MUC5B: variants seen among roughly 807,000 people sequenced by gnomAD.
The protein encoded by MUC5B is mucin 5B, oligomeric mucus/gel-forming, also known as mucin-5B.
A neutral mutation model predicts 376.9 loss-of-function variants in MUC5B; 116 were observed. That is an observed-to-expected ratio of 0.31 (90% CI 0.26 to 0.36). The LOEUF is 0.36. Ranked by LOEUF, MUC5B falls within the 10% of genes least tolerant of loss-of-function variation. The pLI is 1.00. For synonymous variants in MUC5B, 3,517 were observed against 3,390.9 expected (o/e 1.04, Z -1.29); for missense variants, 7,165 against 7,769.9 (o/e 0.92, Z 2.93).
At chr11:1,233,732 C>CG in intron 18 of MUC5B, 61 bp from the exon 19 acceptor site, 1 of 1,531,254 alleles carries the variant, frequency 6.5e-7, no homozygotes, top group Non-Finnish European at 8.9e-7. Flanking sequence ...CTCGGAAGCC[C>CG]GGGGGTGGGG....
At chr11:1,227,980 C>T (rs752398820) in intron 7 of MUC5B, among the ~76,000 whole-genome samples, 199 bp downstream of exon 7, 3 of 152,196 alleles carry the variant, frequency 2.0e-5, no homozygotes, top group Non-Finnish European at 2.9e-5. Context: ...TCAGGCCACG[C>T]GTGTGCCCAT....
At position 1,258,740 on chromosome 11, in the gene MUC5B, C is replaced by G. The variant is rs1298020817; in HGVS notation, c.16594-202C>G. On this transcript the variant is annotated intron_variant, in intron 43 of 48. Coordinates refer to ENST00000529681, the MANE Select transcript of MUC5B (RefSeq NM_002458.3). The surrounding 1 kb of genome is among the most constrained non-coding windows in gnomAD (Gnocchi z 5.5). ...CCAGATTCCTGCCCACATGGGGTCT[C>G]TGCCTGCCCAGATTCCCTGCCCACC... is the stretch of plus-strand genomic sequence containing the variant. Among the ~76,000 whole-genome samples the G allele has an allele frequency of 6.6e-6, 1 of 152,068 alleles. No homozygotes were observed. The highest frequency in any genetic ancestry group is 1.5e-5 in the Non-Finnish European group (1 of 67,992).
At position 1,247,542 on chromosome 11, in the gene MUC5B, G is replaced by T. The variant is rs1862527804; in HGVS notation, c.10662G>T (p.Leu3554=). Reference sequence around the variant, plus strand: ...GCAAGACCCGCACCTCGACCCTGCTGCCCAGCAGCCCCACATCGGCCCCCA... The same window carrying T: ...GCAAGACCCGCACCTCGACCCTGCTTCCCAGCAGCCCCACATCGGCCCCCA... The part of the protein sequence containing the change: ...TPSKTRTSTL[L]PSSPTSAPIT... Residue 3554 remains leucine (L), a synonymous_variant, in exon 31 of 49, where the codon CTG becomes CTT. Transcript: ENST00000529681. 1.2e-6 allele frequency: 2 copies of T among 1,610,838 alleles called. No homozygotes were observed. Among genetic ancestry groups the T allele is most frequent in the South Asian group, 1.1e-5 (1 of 90,938 alleles).
rs887999187 is a variant in MUC5B, at chr11:1,254,440, G to A, written c.15477+89G>A. On this transcript the variant is annotated intron_variant, in intron 34 of 48. Coordinates refer to ENST00000529681, the MANE Select transcript of MUC5B (RefSeq NM_002458.3). ...TGCAGGCCGGGGTGACCCAGGTGCC[G>A]CAGCGATGGCCCAGTGCCCAAGACA... 163 of 1,519,260 alleles carry A rather than the reference G, an allele frequency of 1.1e-4. No individual in the cohort carries two copies. The East Asian group carries it at 2.3e-3, about 21-fold the overall frequency. 94.1% of individuals were successfully genotyped at this position (1,519,260 alleles called of 1,614,324 possible).
chr11:1,236,236 GTC>G, intron 23 of MUC5B, 148 bp from the exon 24 acceptor site: 7 of 667,390 alleles, frequency 1.0e-5, no homozygotes, highest in South Asian at 4.7e-5. Flanking sequence ...TTCGCTGAGG[GTC>G]TCACGGACCC....
rs1283275738 is a variant in MUC5B, at chr11:1,252,332, G to A, written c.14864-11G>A. 2 of 1,537,130 alleles carry A rather than the reference G, an allele frequency of 1.3e-6. No homozygotes were observed. Among genetic ancestry groups the A allele is most frequent in the Non-Finnish European group, 1.8e-6 (2 of 1,140,590 alleles). On this transcript the variant is annotated splice_polypyrimidine_tract_variant and intron_variant, in intron 31 of 48. Transcript: ENST00000529681. Reference sequence around the variant, plus strand: ...GAGTGGCTTATCTTTCTATGGTGTTGTTCTTCACAGGGGAAGTCATCTACA... The same window carrying A: ...GAGTGGCTTATCTTTCTATGGTGTTATTCTTCACAGGGGAAGTCATCTACA...
chr11:1,261,470 G>A lies in MUC5B; in HGVS notation c.17151G>A (p.Leu5717=), dbSNP rs978856003. The part of the protein sequence containing the change: ...ERRVHEETVP[L]HCPNGSAILH... The stretch of plus-strand genomic sequence containing the variant: ...GGGTCCACGAGGAGACGGTGCCCTT[G>A]CACTGTCCTAACGGCTCAGCCATCC... Residue 5717 remains leucine, a synonymous_variant, in exon 49 of 49, where the codon TTG becomes TTA. Coordinates refer to ENST00000529681, the MANE Select transcript of MUC5B (RefSeq NM_002458.3). 9.0e-6 allele frequency: 14 copies of A among 1,562,216 alleles called. No individual in the cohort carries two copies. The highest frequency in any genetic ancestry group is 1.2e-5 in the Non-Finnish European group (14 of 1,155,048).
chr11:1,229,345 C>A, intron 9 of MUC5B, 50 bp downstream of exon 9: 1 of 1,477,350 alleles, frequency 6.8e-7, no homozygotes, highest in Non-Finnish European at 9.0e-7. Context: ...GGTCCCTGCT[C>A]CCAACCCCGC....
rs1590183013 is a variant in MUC5B, at chr11:1,246,580, G to T, written c.9700G>T (p.Ala3234Ser). Residue 3234 changes from alanine to serine, a missense_variant, in exon 31 of 49, where the codon GCT becomes TCT. Ala to Ser is a moderately conservative substitution (Grantham distance 99, BLOSUM62 1). Transcript: ENST00000529681. The part of the protein sequence containing the change: ...ALRSTATTPT[A>S]TSVTAIPSSS... ...GAGAAGCACAGCCACCACACCCACA[G>T]CTACCAGCGTTACAGCCATCCCCTC... 6.2e-7 allele frequency: 1 copy of T among 1,612,440 alleles called. No homozygotes were observed. Among genetic ancestry groups the T allele is most frequent in the Non-Finnish European group, 8.5e-7 (1 of 1,179,434 alleles).
Position 1,261,718 on chromosome 11 carries a change from C to G in MUC5B, c.*110C>G. ...GCGGAGCCCCCCGGCCTGTGTGTGG[C>G]ACCCCGCGCTCCGTGCTCCTGCTGC... On this transcript the variant is annotated 3_prime_UTR_variant, in exon 49 of 49. Transcript: ENST00000529681. 8.9e-7 allele frequency: 1 copy of G among 1,122,606 alleles called. No individual in the cohort carries two copies. The allele number at this position is 1,122,606 out of a possible 1,614,324, so 69.5% of individuals were successfully genotyped here. A position where few individuals can be genotyped will look rare whatever the true frequency, so the allele number is the denominator to read the frequency against.
At position 1,254,768 on chromosome 11, in the gene MUC5B, C is replaced by G; in HGVS notation, c.15552C>G (p.Thr5184=). 6.2e-7 allele frequency: 1 copy of G among 1,612,934 alleles called. No individual in the cohort carries two copies. The highest frequency in any genetic ancestry group is 8.5e-7 in the Non-Finnish European group (1 of 1,179,804). ...TGCTTGTGTCTGTGCTGGGGACCAC[C>G]ACCATGCGTGTGGACATTCCTGCCC... ...NGVLVSVLGT[T]TMRVDIPALG... The change falls in exon 35 of 49, where the codon ACC becomes ACG. Residue 5184 remains threonine, a synonymous_variant. Transcript: ENST00000529681.
rs772770376 is a variant in MUC5B, at chr11:1,244,974, G to T, written c.8094G>T (p.Thr2698=). ...PSLTTTATTI[T]ATGSTTNPSS... ...TGACCACCACGGCCACTACGATCAC[G>T]GCCACCGGCTCCACCACCAACCCCT... Residue 2698 remains threonine (T), a synonymous_variant, in exon 31 of 49, where the codon ACG becomes ACT. Coordinates refer to ENST00000529681, the MANE Select transcript of MUC5B (RefSeq NM_002458.3). 67 of 1,553,354 alleles carry T rather than the reference G, an allele frequency of 4.3e-5. No individual in the cohort carries two copies. In the African/African-American group the frequency reaches 8.3e-4, roughly 19 times the overall value.
At chr11:1,223,238 C>CG in intron 1 of MUC5B, 45 bp downstream of exon 1, 1 of 705,158 alleles carries the variant, frequency 1.4e-6, no homozygotes. Context: ...GTCTTCACGG[C>CG]GGGGGTCTCT....
chr11:1,227,175 T>C (rs757993680), intron 5 of MUC5B, 30 bp downstream of exon 5: 2 of 1,598,798 alleles, frequency 1.3e-6, no homozygotes, highest in South Asian at 2.2e-5. Context: ...CCTTGCCCCT[T>C]CAGGCCTGGC....
chr11:1,239,073 G>C, intron 26 of MUC5B, 46 bp downstream of exon 26: 1 of 1,553,442 alleles, frequency 6.4e-7, no homozygotes, highest in Non-Finnish European at 8.7e-7. Context: ...AGCTGCTGGG[G>C]CAGGGGAGGA....
At chr11:1,240,487 C>T (rs545912121) in intron 30 of MUC5B, 112 bp downstream of exon 30, 108 of 1,035,424 alleles carry the variant, frequency 1.0e-4, no homozygotes, top group African/African-American at 7.5e-4. Flanking sequence ...AATCCACTGA[C>T]CTTCCGGGCT....
At chr11:1,252,604 C>A in intron 32 of MUC5B, 80 bp downstream of exon 32, 1 of 1,417,086 alleles carries the variant, frequency 7.1e-7, no homozygotes, top group Non-Finnish European at 9.3e-7. Context: ...CAGTCCAGCT[C>A]CCGAGGCCCG....
rs755457859 is a variant in MUC5B, at chr11:1,241,093, C to A, written c.4213C>A (p.Leu1405Met). The A allele has an allele frequency of 6.2e-7, 1 of 1,612,074 alleles. No individual in the cohort carries two copies. The highest frequency in any genetic ancestry group is 1.3e-5 in the African/African-American group (1 of 74,918). Reference sequence around the variant, plus strand: ...GGTGGACTGTGACCGCATGCGGGGGCTGATGTGCGCCAACAGCCAACAGAG... The same window carrying A: ...GGTGGACTGTGACCGCATGCGGGGGATGATGTGCGCCAACAGCCAACAGAG... ...QQVDCDRMRG[L>M]MCANSQQSPP... The change falls in exon 31 of 49, where the codon CTG (leucine) becomes ATG (methionine). Residue 1405 changes from leucine (L) to methionine (M), a missense_variant. Physicochemically the swap from Leu to Met is conservative, Grantham distance 15. Transcript: ENST00000529681.
rs568952450 is a variant in MUC5B, at chr11:1,227,140, G to T, written c.571G>T (p.Ala191Ser). ...LTFLWNGEDS[A>S]LLELDPKYAN... ...ATTCCTGTGGAACGGAGAGGACAGT[G>T]CCCTGGTGAGGAAGCCCCCTCGCCC... The change falls in exon 5 of 49, where the codon GCC becomes TCC. Residue 191 changes from alanine to serine, a missense_variant. Around this residue, in one of 31 missense-constraint regions of MUC5B, gnomAD observed 640 missense variants for 733.0 expected, o/e 0.87. Transcript: ENST00000529681. 1 of 1,610,758 alleles carries T rather than the reference G, an allele frequency of 6.2e-7. No individual in the cohort carries two copies. The highest frequency in any genetic ancestry group is 2.2e-5 in the East Asian group (1 of 44,828).
Sources: gnomAD v4.1 joint callset for allele counts (sites outside exome capture counted in the v4.1 genomes callset) on GRCh38, gnomAD v4.1.1 for gene constraint, gnomAD v4.1.1 regional missense constraint, Gnocchi (gnomAD v3.1) non-coding constraint, MANE v1.5 for transcripts, NCBI Gene and HGNC (gene_info 2026-07-23, HGNC 2026-07-21) for gene names.